SPOCK1: variants seen among roughly 807,000 people sequenced by gnomAD.
SPOCK1 encodes the protein testican-1.
SPOCK1 carries 23 observed loss-of-function variants against 55.3 expected under a neutral mutation model. The ratio of observed to expected loss-of-function variants is 0.42; its 90% CI spans 0.30 to 0.59. SPOCK1 has a LOEUF of 0.59. SPOCK1 is among the 20% of genes least tolerant of loss of function. The pLI is 0.22. For synonymous variants in SPOCK1, 226 were observed against 221.0 expected (o/e 1.02, Z -0.20); for missense variants, 499 against 552.5 (o/e 0.90, Z 0.97).
intron 2 of SPOCK1, among the ~76,000 whole-genome samples, chr5:137,497,569 G>A (rs1754324936): frequency 6.6e-6 from 1 of 152,206 alleles, no homozygotes; most frequent in Non-Finnish European, 1.5e-5. Flanking sequence ...TGGAAAGACT[G>A]CACCAGATGC....
intron 2 of SPOCK1, among the ~76,000 whole-genome samples, chr5:137,320,681 G>C (rs982140127): frequency 6.6e-6 from 1 of 152,148 alleles, no homozygotes; most frequent in Non-Finnish European, 1.5e-5. Flanking sequence ...TCTCTAAATG[G>C]GAAATTACAC....
intron 6 of SPOCK1, among the ~76,000 whole-genome samples, chr5:137,021,752 C>T (rs1016155340): frequency 2.0e-5 from 3 of 151,976 alleles, no homozygotes; most frequent in African/African-American, 7.2e-5. Flanking sequence ...TGGAACTACT[C>T]TAAATTATGC....
chr5:136,996,422 C>T (rs1014882005), intron 6 of SPOCK1, among the ~76,000 whole-genome samples: 7 of 152,244 alleles, frequency 4.6e-5, no homozygotes, highest in East Asian at 1.9e-4. Flanking sequence ...GGATTAATCA[C>T]GAAGACCAAG....
chr5:137,407,843 T>C (rs1046315219), intron 2 of SPOCK1, among the ~76,000 whole-genome samples: 2 of 152,160 alleles, frequency 1.3e-5, no homozygotes, highest in African/African-American at 4.8e-5. Flanking sequence ...ATTTCCTAGA[T>C]TAAAACCCAT....
chr5:137,002,336 G>C (rs1198661419), intron 6 of SPOCK1, among the ~76,000 whole-genome samples: 1 of 151,926 alleles, frequency 6.6e-6, no homozygotes, highest in Admixed American at 6.6e-5. Context: ...TTTAGAACTT[G>C]CATAATAACA....
rs544770967 is a variant in SPOCK1 at position 137,466,311 on chromosome 5, G to A, written c.186+32062C>T. On this transcript the variant is annotated intron_variant, in intron 2 of 10. Coordinates refer to ENST00000394945, the MANE Select transcript of SPOCK1 (RefSeq NM_004598.4). Reference sequence around the variant, plus strand: ...CATGCTAATTCATAGGGTATTAAGAGGGTCATGCCTAAATAAAACAACAGC... The same window carrying A: ...CATGCTAATTCATAGGGTATTAAGAAGGTCATGCCTAAATAAAACAACAGC... 2.6e-5 allele frequency among the ~76,000 whole-genome samples: 4 copies of A among 152,300 alleles called. No homozygotes were observed. The South Asian group carries it at 8.3e-4, about 32-fold the overall frequency.
chr5:137,063,380 CA>C (rs1203781822), intron 6 of SPOCK1, among the ~76,000 whole-genome samples: 5 of 140,640 alleles, frequency 3.6e-5, no homozygotes, highest in Admixed American at 2.1e-4. Flanking sequence ...ACAACAACAA[CA>C]AAAAAATCTT....
At chr5:136,996,444 T>G (rs1381587017) in intron 6 of SPOCK1, among the ~76,000 whole-genome samples, 2 of 152,166 alleles carry the variant, frequency 1.3e-5, no homozygotes, top group South Asian at 2.1e-4. Flanking sequence ...CCTGCTTTCT[T>G]GTGCTCTCCT....
At chr5:137,374,877 G>A (rs1751278020) in intron 2 of SPOCK1, among the ~76,000 whole-genome samples, 1 of 152,108 alleles carries the variant, frequency 6.6e-6, no homozygotes, top group African/African-American at 2.4e-5. Flanking sequence ...TAGGCAGGCA[G>A]GCAATCCAAC....
chr5:137,338,338 G>A (rs1267828027), intron 2 of SPOCK1, among the ~76,000 whole-genome samples: 1 of 152,112 alleles, frequency 6.6e-6, no homozygotes, highest in Admixed American at 6.5e-5. Context: ...TCCCTACAAA[G>A]GACAGGAACT....
chr5:137,269,492 G>C (rs975372066), intron 2 of SPOCK1, among the ~76,000 whole-genome samples: 17 of 152,158 alleles, frequency 1.1e-4, no homozygotes, highest in Middle Eastern at 3.2e-3. Context: ...CTTGGGGGAT[G>C]GTCACTGAGC....
intron 4 of SPOCK1, among the ~76,000 whole-genome samples, chr5:137,122,251 ACACACG>A (rs1053055871): frequency 1.6e-4 from 18 of 114,736 alleles, no homozygotes; most frequent in African/African-American, 4.4e-4. Flanking sequence ...ACACACACAC[ACACACG>A]CACACACACA....
chr5:137,282,312 G>A (rs62374162), intron 2 of SPOCK1, among the ~76,000 whole-genome samples: 1 of 152,186 alleles, frequency 6.6e-6, no homozygotes, highest in Non-Finnish European at 1.5e-5. Context: ...TTGGAAAAGC[G>A]GCAGCCGCTG....
intron 4 of SPOCK1, among the ~76,000 whole-genome samples, chr5:137,131,888 C>T (rs1250529819): frequency 1.4e-5 from 2 of 142,830 alleles, no homozygotes; most frequent in Non-Finnish European, 3.0e-5. Flanking sequence ...AGGAGAATGG[C>T]GTGAACCCGG....
At chr5:137,115,895 C>T (rs1012082704) in intron 4 of SPOCK1, among the ~76,000 whole-genome samples, 8 of 152,200 alleles carry the variant, frequency 5.3e-5, no homozygotes, top group Admixed American at 2.6e-4. Context: ...CCAGTCAAGG[C>T]AAGGGACTAA....
At chr5:137,273,302 G>A (rs1757005620) in intron 2 of SPOCK1, 1 of 827,838 alleles carries the variant, frequency 1.2e-6, no homozygotes, top group African/African-American at 1.8e-5. Flanking sequence ...TTCAGATTTA[G>A]AATGAAATTT....
At chr5:137,242,234 T>C (rs994034813) in intron 3 of SPOCK1, among the ~76,000 whole-genome samples, 6 of 152,052 alleles carry the variant, frequency 3.9e-5, no homozygotes, top group African/African-American at 1.4e-4. Context: ...CCAAATCTCA[T>C]CTTGAATTGT....
chr5:137,479,324 C>T (rs766297783), intron 2 of SPOCK1, among the ~76,000 whole-genome samples: 48 of 152,298 alleles, frequency 3.2e-4, no homozygotes, highest in Admixed American at 7.2e-4. Flanking sequence ...GTTTAGGGAG[C>T]ATCATAAACA....
At chr5:137,206,090 A>G (rs553254289) in intron 3 of SPOCK1, among the ~76,000 whole-genome samples, 2 of 152,340 alleles carry the variant, frequency 1.3e-5, no homozygotes, top group South Asian at 4.1e-4. Context: ...GCAAGATTCA[A>G]TATGTATCAT....
Sources: allele counts gnomAD v4.1 joint callset (sites outside exome capture counted in the v4.1 genomes callset), GRCh38; gene constraint gnomAD v4.1.1; transcripts MANE v1.5; gene names NCBI Gene and HGNC (gene_info 2026-07-23, HGNC 2026-07-21).